ANO10: variants seen among roughly 807,000 people sequenced by gnomAD.
The protein encoded by ANO10 is anoctamin 10, also known as anoctamin-10.
Under a neutral mutation model 74.7 loss-of-function variants are expected in ANO10, and 77 were observed. The observed-to-expected ratio is 1.03, with a 90% confidence interval of 0.86 to 1.25. ANO10 has a LOEUF of 1.25. ANO10 is among the 50% of genes most tolerant of loss of function. ANO10 has a pLI of 0.00. For missense variants in ANO10, 721 were observed against 778.1 expected, an observed-to-expected ratio of 0.93 and a Z score of 0.87; for synonymous variants, 279 against 284.9, an observed-to-expected ratio of 0.98 and a Z score of 0.21.
At chr3:43,394,865 TGCTGCTTG>T (rs1458804969) in intron 12 of ANO10, among the ~76,000 whole-genome samples, 1 of 152,096 alleles carries the variant, frequency 6.6e-6, no homozygotes, top group Non-Finnish European at 1.5e-5. Context: ...AATCTAGGAG[TGCTGCTTG>T]GCTCCAAACC....
At chr3:43,578,749 C>CAAAAAAAAAAAAAAAAA (rs56186109) in intron 5 of ANO10, among the ~76,000 whole-genome samples, 4 of 64,442 alleles carry the variant, frequency 6.2e-5, no homozygotes, top group Non-Finnish European at 6.0e-5. Context: ...GACTCCATCT[C>CAAAAAAAAAAAAAAAAA]AAAAAAAAAA....
chr3:43,400,910 A>T (rs2092468956), intron 12 of ANO10, among the ~76,000 whole-genome samples: 1 of 152,222 alleles, frequency 6.6e-6, no homozygotes, highest in Non-Finnish European at 1.5e-5. Flanking sequence ...TCAAGTAGGA[A>T]CGTACTTTGT....
At chr3:43,463,795 T>G (rs532860266) in intron 11 of ANO10, among the ~76,000 whole-genome samples, 2 of 152,238 alleles carry the variant, frequency 1.3e-5, no homozygotes, top group Admixed American at 6.5e-5. Context: ...CATGATTGGT[T>G]TTGAAATGAG....
intron 8 of ANO10, among the ~76,000 whole-genome samples, chr3:43,564,604 T>G (rs2080217246): frequency 6.6e-6 from 1 of 152,222 alleles, no homozygotes; most frequent in African/African-American, 2.4e-5. Flanking sequence ...TCTTTTTTAC[T>G]TGGCCTGTAC....
In ANO10 at chr3:43,621,923, C is replaced by T. The variant is rs564286771; in HGVS notation, c.-26G>A. ...CCCCGACTCACCAGCCGCCGCAGCG[C>T]TCCACGTCTTCGGAGGCGGGTCCGA... is the stretch of plus-strand genomic sequence containing the variant. On this transcript the variant is annotated 5_prime_UTR_variant, in exon 1 of 13. Transcript: ENST00000292246. The T allele has an allele frequency of 1.8e-4, 27 of 152,702 alleles. No homozygotes were observed. Among genetic ancestry groups the T allele is most frequent in the African/African-American group, 6.0e-4 (25 of 41,590 alleles). 9.5% of individuals were successfully genotyped at this position (152,702 alleles called of 1,614,324 possible). A position where few individuals can be genotyped will look rare whatever the true frequency, so the allele number is the denominator to read the frequency against.
At chr3:43,406,938 C>T (rs182840008) in intron 12 of ANO10, among the ~76,000 whole-genome samples, 119 of 150,318 alleles carry the variant, frequency 7.9e-4, no homozygotes, top group Non-Finnish European at 1.2e-3. Flanking sequence ...GAATCTTGCT[C>T]TGTCACCCAG....
intron 3 of ANO10, among the ~76,000 whole-genome samples, chr3:43,598,942 T>C (rs79326298): frequency 6.6e-6 from 1 of 152,214 alleles, no homozygotes; most frequent in African/African-American, 2.4e-5. Context: ...TCTCATTTAG[T>C]ACCAATGAGC....
At chr3:43,513,413 C>T (rs941697157) in intron 11 of ANO10, among the ~76,000 whole-genome samples, 2 of 152,096 alleles carry the variant, frequency 1.3e-5, no homozygotes, top group African/African-American at 4.8e-5. Flanking sequence ...ACTATAAACC[C>T]TAAAGTAACC....
chr3:43,377,945 G>T (rs1012962808), intron 12 of ANO10, among the ~76,000 whole-genome samples: 1 of 152,204 alleles, frequency 6.6e-6, no homozygotes, highest in Non-Finnish European at 1.5e-5. Context: ...TCTGAGAAAA[G>T]ATGCCTTGGT....
At chr3:43,512,135 A>G (rs1445324296) in intron 11 of ANO10, among the ~76,000 whole-genome samples, 1 of 152,092 alleles carries the variant, frequency 6.6e-6, no homozygotes, top group Admixed American at 6.5e-5. Context: ...ATGATCTCTC[A>G]CTATGTCAAT....
intron 12 of ANO10, among the ~76,000 whole-genome samples, chr3:43,408,777 C>T (rs2092619249): frequency 6.6e-6 from 1 of 152,182 alleles, no homozygotes; most frequent in South Asian, 2.1e-4. Context: ...CGTTTGTAAT[C>T]CCAGCACTTT....
chr3:43,393,620 T>G (rs1245883917), intron 12 of ANO10, among the ~76,000 whole-genome samples: 2 of 152,108 alleles, frequency 1.3e-5, no homozygotes, highest in East Asian at 3.8e-4. Context: ...ATAGCCCTCC[T>G]CTCTTTCCCT....
intron 11 of ANO10, among the ~76,000 whole-genome samples, chr3:43,525,102 AC>A (rs2078132747): frequency 6.6e-6 from 1 of 151,912 alleles, no homozygotes; most frequent in African/African-American, 2.4e-5. Flanking sequence ...CCATACTCTT[AC>A]CCCCCACCGA....
At chr3:43,451,445 CCCTTT>C (rs1371662581) in intron 11 of ANO10, among the ~76,000 whole-genome samples, 2 of 152,224 alleles carry the variant, frequency 1.3e-5, no homozygotes, top group Non-Finnish European at 2.9e-5. Context: ...CCTTTCCCAT[CCCTTT>C]CAAGTGTTGA....
chr3:43,527,567 T>C (rs1257995162), intron 11 of ANO10, among the ~76,000 whole-genome samples: 2 of 152,004 alleles, frequency 1.3e-5, no homozygotes, highest in Non-Finnish European at 2.9e-5. Flanking sequence ...AACAGATCAA[T>C]AGGAAGAGAA....
chr3:43,596,339 A>G (rs1313031342), intron 4 of ANO10, among the ~76,000 whole-genome samples: 2 of 152,248 alleles, frequency 1.3e-5, no homozygotes, highest in African/African-American at 4.8e-5. Context: ...AGCTGGAGGC[A>G]TCACGCTACC....
At chr3:43,615,895 C>T (rs537840816) in intron 1 of ANO10, among the ~76,000 whole-genome samples, 5 of 151,954 alleles carry the variant, frequency 3.3e-5, no homozygotes, top group South Asian at 2.1e-4. Flanking sequence ...CCTTGTGATC[C>T]GCCCGCCTCG....
chr3:43,452,262 G>A (rs1047914781), intron 11 of ANO10, among the ~76,000 whole-genome samples: 2 of 152,150 alleles, frequency 1.3e-5, no homozygotes, highest in African/African-American at 4.8e-5. Flanking sequence ...CAGAGTTTGT[G>A]CAACTATCAC....
intron 11 of ANO10, among the ~76,000 whole-genome samples, chr3:43,506,024 G>T (rs1322272354): frequency 6.6e-6 from 1 of 152,114 alleles, no homozygotes; most frequent in African/African-American, 2.4e-5. Context: ...AATAAAATAT[G>T]TTTAAGATAT....
Sources: gnomAD v4.1 joint callset for allele counts (sites outside exome capture counted in the v4.1 genomes callset) on GRCh38, gnomAD v4.1.1 for gene constraint, MANE v1.5 for transcripts, NCBI Gene and HGNC (gene_info 2026-07-23, HGNC 2026-07-21) for gene names.